Variants in HS3ST3A1 observed in about 807,000 individuals in gnomAD.
HS3ST3A1 encodes the protein heparan sulfate glucosamine 3-O-sulfotransferase 3A1.
A neutral mutation model predicts 25.7 loss-of-function variants in HS3ST3A1; 19 were observed. The observed-to-expected ratio is 0.74, with a 90% confidence interval of 0.52 to 1.08. The LOEUF is 1.08. HS3ST3A1 is among the 50% of genes least tolerant of loss of function. HS3ST3A1 has a pLI of 0.00. For synonymous variants in HS3ST3A1, 226 were observed against 278.6 expected, an observed-to-expected ratio of 0.81 and a Z score of 1.88; for missense variants, 459 against 594.3, an observed-to-expected ratio of 0.77 and a Z score of 2.37.
chr17:13,532,614 T>C (rs11651136), intron 1 of HS3ST3A1, among the ~76,000 whole-genome samples: 63,492 of 151,514 alleles, frequency 0.42, 13,944 homozygotes, highest in Middle Eastern at 0.52. Flanking sequence ...ACAAGCAAGA[T>C]GGGTATTAGG....
intron 1 of HS3ST3A1, among the ~76,000 whole-genome samples, chr17:13,565,457 G>T (rs1163668240): frequency 6.6e-6 from 1 of 152,154 alleles, no homozygotes; most frequent in Non-Finnish European, 1.5e-5. Flanking sequence ...ACTTGAGCCT[G>T]GGAGGTCAAG....
intron 1 of HS3ST3A1, among the ~76,000 whole-genome samples, chr17:13,567,099 G>T (rs761007448): frequency 8.6e-4 from 131 of 152,220 alleles, no homozygotes; most frequent in Non-Finnish European, 1.5e-3. Flanking sequence ...AGTTAATGCA[G>T]CTGGTGACTT....
At chr17:13,591,518 A>T (rs1472971616) in intron 1 of HS3ST3A1, among the ~76,000 whole-genome samples, 4 of 152,214 alleles carry the variant, frequency 2.6e-5, no homozygotes, top group African/African-American at 7.2e-5. Flanking sequence ...TTAGAGAAAA[A>T]GGGAGAAAAG....
At chr17:13,582,567 C>G (rs11868328) in intron 1 of HS3ST3A1, among the ~76,000 whole-genome samples, 89,734 of 152,110 alleles carry the variant, frequency 0.59, 27,141 homozygotes, top group East Asian at 0.68. Flanking sequence ...TGCATGAATA[C>G]AGCCAAAATA....
At chr17:13,526,389 G>A (rs1480129527) in intron 1 of HS3ST3A1, among the ~76,000 whole-genome samples, 1 of 148,080 alleles carries the variant, frequency 6.8e-6, no homozygotes, top group East Asian at 2.0e-4. Context: ...TATTTCTTTG[G>A]CCATGTCACT....
intron 1 of HS3ST3A1, among the ~76,000 whole-genome samples, chr17:13,587,405 T>C (rs1302364524): frequency 6.6e-6 from 1 of 152,170 alleles, no homozygotes; most frequent in East Asian, 1.9e-4. Flanking sequence ...AATGAGCTGA[T>C]ATCGTGCCAC....
chr17:13,509,424 T>C (rs1286520319), intron 1 of HS3ST3A1, among the ~76,000 whole-genome samples: 4 of 152,256 alleles, frequency 2.6e-5, no homozygotes, highest in African/African-American at 9.6e-5. Context: ...TGAGGGGCCA[T>C]GTAAAATCAG....
chr17:13,521,512 C>T (rs1267159542), intron 1 of HS3ST3A1, among the ~76,000 whole-genome samples: 1 of 152,130 alleles, frequency 6.6e-6, no homozygotes, highest in African/African-American at 2.4e-5. Context: ...AGTTCTAACC[C>T]AACACAGCTA....
intron 1 of HS3ST3A1, among the ~76,000 whole-genome samples, chr17:13,549,366 A>G (rs1907180656): frequency 1.3e-5 from 2 of 152,194 alleles, no homozygotes; most frequent in Non-Finnish European, 2.9e-5. Context: ...GAGAGTCCAC[A>G]GCTTCATTCT....
At chr17:13,546,962 G>T (rs72808858) in intron 1 of HS3ST3A1, among the ~76,000 whole-genome samples, 1 of 152,292 alleles carries the variant, frequency 6.6e-6, no homozygotes, top group Non-Finnish European at 1.5e-5. Context: ...ACTTCATATG[G>T]TATGCAACTT....
At chr17:13,528,353 G>A (rs184235317) in intron 1 of HS3ST3A1, among the ~76,000 whole-genome samples, 3 of 152,210 alleles carry the variant, frequency 2.0e-5, no homozygotes, top group Non-Finnish European at 4.4e-5. Flanking sequence ...GCTGTGTGAC[G>A]TGTGGGCAGC....
At chr17:13,517,476 A>G (rs1242459014) in intron 1 of HS3ST3A1, among the ~76,000 whole-genome samples, 1 of 152,190 alleles carries the variant, frequency 6.6e-6, no homozygotes, top group Non-Finnish European at 1.5e-5. Flanking sequence ...TGCCTGAGGA[A>G]TTTAGAAAAA....
At position 13,600,710 on chromosome 17, in the gene HS3ST3A1, G is replaced by A. The variant is rs774232805; in HGVS notation, c.420C>T (p.Thr140=). 6.4e-7 allele frequency: 1 copy of A among 1,558,990 alleles called. No homozygotes were observed. Among genetic ancestry groups the A allele is most frequent in the Non-Finnish European group, 8.6e-7 (1 of 1,159,652 alleles). ...TGCCTTCGTCCAGGAGCAGCGCCAGGGTCCCCGGCGGGGCCTCGGCCACGG... is the reference window on the plus strand; with the variant it reads ...TGCCTTCGTCCAGGAGCAGCGCCAGAGTCCCCGGCGGGGCCTCGGCCACGG... ...GSTVAEAPPG[T]LALLLDEGSK... Residue 140 remains threonine (T), a synonymous_variant, in exon 1 of 2, where the codon ACC becomes ACT. Transcript: ENST00000284110.
At chr17:13,516,356 C>T (rs568357619) in intron 1 of HS3ST3A1, among the ~76,000 whole-genome samples, 1 of 152,198 alleles carries the variant, frequency 6.6e-6, no homozygotes, top group East Asian at 1.9e-4. Context: ...TTTATATATT[C>T]AAAATAAAAG....
At chr17:13,498,961 TG>T (rs1905370413) in intron 1 of HS3ST3A1, among the ~76,000 whole-genome samples, 1 of 144,394 alleles carries the variant, frequency 6.9e-6, no homozygotes, top group Non-Finnish European at 1.5e-5. Flanking sequence ...TTTTTTTGGG[TG>T]GGGGGTTTAT....
At chr17:13,551,449 A>T (rs1456755005) in intron 1 of HS3ST3A1, among the ~76,000 whole-genome samples, 1 of 152,032 alleles carries the variant, frequency 6.6e-6, no homozygotes, top group Non-Finnish European at 1.5e-5. Context: ...CAGCTGACAG[A>T]GGTTTCCAAC....
At chr17:13,596,230 A>T (rs1437162391) in intron 1 of HS3ST3A1, among the ~76,000 whole-genome samples, 1 of 152,088 alleles carries the variant, frequency 6.6e-6, no homozygotes, top group East Asian at 1.9e-4. Flanking sequence ...AAGCTCTACC[A>T]AGTGTTTTTG....
At chr17:13,505,712 G>A (rs1221903757) in intron 1 of HS3ST3A1, among the ~76,000 whole-genome samples, 1 of 151,854 alleles carries the variant, frequency 6.6e-6, no homozygotes, top group Non-Finnish European at 1.5e-5. Context: ...AGAAGGAAGT[G>A]GTGCCCTCTC....
Position 13,600,836 on chromosome 17 carries a change from C to A in HS3ST3A1, c.294G>T (p.Arg98Ser). ...CGTCGCGGGGCGCGGGCGGCCGGCG[C>A]CTCCGCCACTGCGGCAGTTGCAGGA... ...KRLLQLPQWR[R>S]RRPPAPRDDG... Residue 98 changes from arginine to serine, a missense_variant, in exon 1 of 2, where the codon AGG (arginine) becomes AGT (serine). This residue lies in a region of HS3ST3A1 where 346 missense variants were observed against 303.9 expected (regional missense o/e 1.14). Coordinates refer to ENST00000284110, the MANE Select transcript of HS3ST3A1 (RefSeq NM_006042.3). The A allele has an allele frequency of 1.4e-6, 2 of 1,420,642 alleles. No homozygotes were observed. Among genetic ancestry groups the A allele is most frequent in the South Asian group, 1.5e-5 (1 of 65,290 alleles). The allele number at this position is 1,420,642 out of a possible 1,614,324, so 88.0% of individuals were successfully genotyped here. A position where few individuals can be genotyped will look rare whatever the true frequency, so the allele number is the denominator to read the frequency against.
Sources: gnomAD v4.1 joint callset for allele counts (sites outside exome capture counted in the v4.1 genomes callset) on GRCh38, gnomAD v4.1.1 for gene constraint, gnomAD v4.1.1 regional missense constraint, MANE v1.5 for transcripts, NCBI Gene and HGNC (gene_info 2026-07-23, HGNC 2026-07-21) for gene names.